The following ZMYND11 variants were observed in gnomAD, a reference collection of about 807,000 sequenced individuals.
ZMYND11 encodes the protein zinc finger MYND domain-containing protein 11.
In ZMYND11, 9 loss-of-function variants were observed where a neutral mutation model predicts 84.9. The ratio of observed to expected loss-of-function variants is 0.11; its 90% CI spans 0.06 to 0.18. The LOEUF (loss-of-function observed/expected upper bound fraction) is 0.18. ZMYND11 is among the 10% of genes least tolerant of loss of function. The pLI is 1.00. For missense variants in ZMYND11, 409 were observed against 761.0 expected (o/e 0.54, Z 5.44); for synonymous variants, 250 against 244.1 (o/e 1.02, Z -0.23).
At chr10:136,628 T>C (rs1349892880) in intron 1 of ZMYND11, among the ~76,000 whole-genome samples, 1 of 152,144 alleles carries the variant, frequency 6.6e-6, no homozygotes, top group Admixed American at 6.5e-5. Context: ...CCATGTTATA[T>C]ACGAGTGTAT....
At chr10:172,293 T>TG (rs1375121671) in intron 1 of ZMYND11, among the ~76,000 whole-genome samples, 1 of 152,030 alleles carries the variant, frequency 6.6e-6, no homozygotes, top group African/African-American at 2.4e-5. Context: ...GCAAATAGAT[T>TG]GGGAAAAAAG....
intron 2 of ZMYND11, among the ~76,000 whole-genome samples, chr10:208,170 G>A (rs1409357099): frequency 3.9e-5 from 6 of 152,132 alleles, no homozygotes; most frequent in Non-Finnish European, 5.9e-5. Context: ...AGACTTAAAC[G>A]TTTGACCTAA....
chr10:155,530 A>G (rs189461788), intron 1 of ZMYND11, among the ~76,000 whole-genome samples: 125 of 152,328 alleles, frequency 8.2e-4, no homozygotes, highest in African/African-American at 2.8e-3. Context: ...AATTTTGAAG[A>G]ATCATTAAGA....
intron 10 of ZMYND11, among the ~76,000 whole-genome samples, chr10:242,794 G>A (rs1951291131): frequency 1.3e-5 from 2 of 152,320 alleles, no homozygotes; most frequent in Middle Eastern, 6.8e-3. Flanking sequence ...ACTCCTCCCT[G>A]TGGTAAATTT....
chr10:246,925 A>G lies in ZMYND11; in HGVS notation c.1110A>G (p.Arg370=). The G allele has an allele frequency of 6.2e-7, 1 of 1,612,638 alleles. No homozygotes were observed. ...TTTGGAAATCTAAGAATGAGGACCG[A>G]GGTGAGGAAGAGGCAGAATCCAGTA... ...GRFWKSKNED[R]GEEEAESSIS... Residue 370 remains arginine (R), a synonymous_variant, in exon 11 of 15, where the codon CGA becomes CGG. Coordinates refer to ENST00000381604, the MANE Select transcript of ZMYND11 (RefSeq NM_001370100.5).
In ZMYND11 at chr10:135,929, G is replaced by A. The variant is rs1476859094; in HGVS notation, c.-20+370G>A. 6.6e-6 allele frequency among the ~76,000 whole-genome samples: 1 copy of A among 151,466 alleles called. No individual in the cohort carries two copies. Among genetic ancestry groups the A allele is most frequent in the African/African-American group, 2.4e-5 (1 of 41,312 alleles). On this transcript the variant is annotated intron_variant, in intron 1 of 14. Transcript: ENST00000381604. The surrounding 1 kb of genome is among the most constrained non-coding windows in gnomAD (Gnocchi z 5.6). ...CACCGCCCGCCGGGCCCTGTGCCCCGCTTTCGGTCAGGCCTCCTGGGCCCG... is the reference window on the plus strand; with the variant it reads ...CACCGCCCGCCGGGCCCTGTGCCCCACTTTCGGTCAGGCCTCCTGGGCCCG...
At chr10:224,972 T>C (rs118019828) in intron 4 of ZMYND11, among the ~76,000 whole-genome samples, 6 of 152,344 alleles carry the variant, frequency 3.9e-5, no homozygotes, top group Admixed American at 1.3e-4. Context: ...ATTTGAATTT[T>C]ATTTTCCTGA....
upstream of ZMYND11, among the ~76,000 whole-genome samples, chr10:132,017 A>G (rs1554750004): frequency 2.6e-5 from 4 of 152,136 alleles, no homozygotes; most frequent in Non-Finnish European, 5.9e-5. Context: ...CTTGTTATAT[A>G]GTAACTTATA....
chr10:175,936 T>G (rs1252331365), intron 1 of ZMYND11, among the ~76,000 whole-genome samples: 3 of 152,218 alleles, frequency 2.0e-5, no homozygotes, highest in African/African-American at 7.2e-5. Flanking sequence ...TTTGGTGTTT[T>G]GAATTTTCAC....
intron 6 of ZMYND11, among the ~76,000 whole-genome samples, chr10:238,075 C>T (rs1950271025): frequency 6.6e-6 from 1 of 152,112 alleles, no homozygotes; most frequent in Non-Finnish European, 1.5e-5. Flanking sequence ...GATCTGCCGT[C>T]TTGGGAAACA....
At chr10:196,993 T>C (rs1433713544) in intron 2 of ZMYND11, among the ~76,000 whole-genome samples, 3 of 151,172 alleles carry the variant, frequency 2.0e-5, no homozygotes, top group African/African-American at 2.4e-5. Flanking sequence ...TATTCATGTA[T>C]GTGTATCAAT....
chr10:171,600 A>C (rs530151233), intron 1 of ZMYND11, among the ~76,000 whole-genome samples: 2 of 152,312 alleles, frequency 1.3e-5, no homozygotes, highest in African/African-American at 4.8e-5. Context: ...AATATTTGCA[A>C]CTAAATGAGA....
At chr10:175,210 A>G (rs1014471870) in intron 1 of ZMYND11, among the ~76,000 whole-genome samples, 22 of 152,204 alleles carry the variant, frequency 1.4e-4, no homozygotes, top group African/African-American at 4.3e-4. Context: ...TTGTGGGGCC[A>G]GGGAGTATGT....
At chr10:203,489 G>A (rs542121084) in intron 2 of ZMYND11, among the ~76,000 whole-genome samples, 1 of 152,168 alleles carries the variant, frequency 6.6e-6, no homozygotes, top group South Asian at 2.1e-4. Context: ...TTCATCAGTG[G>A]ATATTCTTAA....
At chr10:184,499 T>C (rs1848527934) in intron 2 of ZMYND11, among the ~76,000 whole-genome samples, 1 of 152,212 alleles carries the variant, frequency 6.6e-6, no homozygotes, top group Admixed American at 6.5e-5. Flanking sequence ...TAATTTAGAC[T>C]TCATTTCTGA....
intron 4 of ZMYND11, among the ~76,000 whole-genome samples, chr10:230,605 G>A (rs1204037960): frequency 6.6e-6 from 1 of 151,618 alleles, no homozygotes; most frequent in Non-Finnish European, 1.5e-5. Context: ...TAATATTTCA[G>A]TGAGCTATTG....
intron 2 of ZMYND11, chr10:198,045 G>C: frequency 1.7e-6 from 1 of 573,314 alleles, no homozygotes; most frequent in Non-Finnish European, 3.1e-6. Context: ...TTTGGGGATA[G>C]GTCTAATTTA....
chr10:154,264 T>G (rs1841142361), intron 1 of ZMYND11, among the ~76,000 whole-genome samples: 1 of 152,206 alleles, frequency 6.6e-6, no homozygotes, highest in Admixed American at 6.5e-5. Context: ...AATTCATACC[T>G]GAACAAAAGC....
chr10:187,891 C>T (rs1939173835), intron 2 of ZMYND11, among the ~76,000 whole-genome samples: 1 of 152,102 alleles, frequency 6.6e-6, no homozygotes, highest in Non-Finnish European at 1.5e-5. Flanking sequence ...TCAGCGAAAA[C>T]ATTTTACATT....
Sources: gnomAD v4.1 joint callset for allele counts (sites outside exome capture counted in the v4.1 genomes callset) on GRCh38, gnomAD v4.1.1 for gene constraint, Gnocchi (gnomAD v3.1) non-coding constraint, MANE v1.5 for transcripts, NCBI Gene and HGNC (gene_info 2026-07-23, HGNC 2026-07-21) for gene names.